SLC25A48: variants seen among roughly 807,000 people sequenced by gnomAD.
SLC25A48 encodes solute carrier family 25 member 48.
SLC25A48 carries 29 observed loss-of-function variants against 32.2 expected under a neutral mutation model. The observed-to-expected ratio is 0.90, with a 90% CI of 0.67 to 1.23. The LOEUF (loss-of-function observed/expected upper bound fraction) is 1.23, where lower values mean the gene tolerates loss of function less well. Ranked by LOEUF, SLC25A48 falls within the 50% of genes most tolerant of loss-of-function variation. SLC25A48 has a pLI of 0.00. For missense variants in SLC25A48, 399 were observed against 422.7 expected (o/e 0.94, Z 0.49); for synonymous variants, 164 against 172.3 (o/e 0.95, Z 0.38).
chr5:135,854,141 C>T (rs1760121478), intron 4 of SLC25A48, among the ~76,000 whole-genome samples: 1 of 152,180 alleles, frequency 6.6e-6, no homozygotes, highest in South Asian at 2.1e-4. Context: ...TCATCCAGGC[C>T]TTGTTGTTCC....
chr5:135,664,988 A>G (rs1207721357), intron 3 of SLC25A48, among the ~76,000 whole-genome samples: 1 of 152,144 alleles, frequency 6.6e-6, no homozygotes, highest in Admixed American at 6.5e-5. Context: ...AAATTCTTTA[A>G]CCAATCTCCA....
intron 3 of SLC25A48, among the ~76,000 whole-genome samples, chr5:135,698,033 G>A (rs544259295): frequency 4.6e-5 from 7 of 152,340 alleles, no homozygotes; most frequent in South Asian, 2.1e-4. Flanking sequence ...GGACTCTGAC[G>A]TTCACAGCAA....
At chr5:135,742,216 A>T (rs575589166) in intron 3 of SLC25A48, among the ~76,000 whole-genome samples, 7 of 152,270 alleles carry the variant, frequency 4.6e-5, no homozygotes, top group Non-Finnish European at 1.0e-4. Flanking sequence ...AATAGCTGGG[A>T]TTACAGGCCT....
intron 6 of SLC25A48, among the ~76,000 whole-genome samples, chr5:135,876,593 T>C (rs1762077594): frequency 6.6e-6 from 1 of 152,150 alleles, no homozygotes; most frequent in South Asian, 2.1e-4. Context: ...GGATATACTA[T>C]CTCGATGCCC....
At position 135,834,796 on chromosome 5, in the gene SLC25A48, ACT is replaced by A; in HGVS notation, c.-49_-48del. ...CGCGCCCGCGGGCCATGCCCCACTG[ACT>A]CTAAGTGGGCACTGCCCCGGCTCCG... On this transcript the variant is annotated 5_prime_UTR_variant, in exon 1 of 8. Coordinates refer to ENST00000681962, the MANE Select transcript of SLC25A48 (RefSeq NM_001349336.2). 6.5e-7 allele frequency: 1 copy of A among 1,530,476 alleles called. No homozygotes were observed. The highest frequency in any genetic ancestry group is 8.8e-7 in the Non-Finnish European group (1 of 1,136,544). 94.8% of individuals were successfully genotyped at this position (1,530,476 alleles called of 1,614,324 possible).
intron 1 of SLC25A48, among the ~76,000 whole-genome samples, chr5:135,628,778 A>C (rs1389263844): frequency 6.6e-6 from 1 of 152,142 alleles, no homozygotes; most frequent in Non-Finnish European, 1.5e-5. Context: ...TCCCTCTTTC[A>C]TTCCCACCTG....
chr5:135,650,284 G>A (rs1302187756), intron 3 of SLC25A48: 1 of 388,222 alleles, frequency 2.6e-6, no homozygotes, highest in African/African-American at 2.1e-5. Context: ...CTCAAAGTTT[G>A]GTTTCTCCTT....
intron 2 of SLC25A48, among the ~76,000 whole-genome samples, chr5:135,630,995 T>C (rs1237467310): frequency 6.6e-6 from 1 of 152,184 alleles, no homozygotes; most frequent in Non-Finnish European, 1.5e-5. Flanking sequence ...GCATCATCTC[T>C]ACACTGTTGG....
At chr5:135,841,879 G>A (rs1426982669) in intron 1 of SLC25A48, among the ~76,000 whole-genome samples, 1 of 152,178 alleles carries the variant, frequency 6.6e-6, no homozygotes, top group African/African-American at 2.4e-5. Flanking sequence ...TGCAGGAAGA[G>A]GCAGGTCAGT....
intron 4 of SLC25A48, among the ~76,000 whole-genome samples, chr5:135,821,130 T>C (rs1757874265): frequency 6.6e-6 from 1 of 152,178 alleles, no homozygotes; most frequent in African/African-American, 2.4e-5. Flanking sequence ...ATGACAGTGG[T>C]GCACTTTCTT....
chr5:135,795,906 G>T (rs1757159013), intron 3 of SLC25A48, among the ~76,000 whole-genome samples: 3 of 148,622 alleles, frequency 2.0e-5, no homozygotes. Context: ...GGGGGTGGGG[G>T]TGAGGGTGAT....
chr5:135,650,241 A>G (rs866562063), intron 3 of SLC25A48: 2 of 337,096 alleles, frequency 5.9e-6, no homozygotes, highest in African/African-American at 2.2e-5. Flanking sequence ...TGTCAGCTTG[A>G]TTCTCTAAGC....
intron 2 of SLC25A48, among the ~76,000 whole-genome samples, chr5:135,631,100 A>G (rs989849118): frequency 1.3e-5 from 2 of 152,180 alleles, no homozygotes; most frequent in Non-Finnish European, 2.9e-5. Flanking sequence ...AGTTAGATGC[A>G]TGTACATTTT....
chr5:135,723,690 C>G (rs1755025507), intron 3 of SLC25A48, among the ~76,000 whole-genome samples: 1 of 152,186 alleles, frequency 6.6e-6, no homozygotes, highest in Non-Finnish European at 1.5e-5. Context: ...TTCTAAACAA[C>G]TGTAATCATA....
chr5:135,705,807 C>A (rs1035170880), intron 3 of SLC25A48, among the ~76,000 whole-genome samples: 1 of 152,200 alleles, frequency 6.6e-6, no homozygotes, highest in African/African-American at 2.4e-5. Context: ...GGAGATGGAA[C>A]TAAGCCTTCC....
Position 135,753,290 on chromosome 5 carries a change from A to C in SLC25A48, c.-520-59233A>C, listed in dbSNP as rs558739011. Among the ~76,000 whole-genome samples, 3 of 151,654 alleles carry C rather than the reference A, an allele frequency of 2.0e-5. No individual in the cohort carries two copies. The South Asian group carries it at 6.3e-4, about 32-fold the overall frequency. ...CAGGGTGTACACCCACGGTGATTCT[A>C]ACAGTAATATCTTGAGAAATTATGC... On this transcript the variant is annotated intron_variant, in intron 3 of 10. Coordinates refer to the SLC25A48 transcript ENST00000646290.
At chr5:135,736,817 A>G (rs944415105) in intron 3 of SLC25A48, among the ~76,000 whole-genome samples, 13 of 152,222 alleles carry the variant, frequency 8.5e-5, no homozygotes, top group African/African-American at 3.1e-4. Context: ...TGTCTCTACC[A>G]GAAAAGGAAA....
intron 3 of SLC25A48, among the ~76,000 whole-genome samples, chr5:135,730,067 C>G (rs1337743348): frequency 6.6e-6 from 1 of 152,132 alleles, no homozygotes; most frequent in Non-Finnish European, 1.5e-5. Flanking sequence ...AGGCAAGAAG[C>G]TTTGGGGCTC....
intron 3 of SLC25A48, chr5:135,650,579 A>G (rs374648439): frequency 3.5e-4 from 64 of 183,220 alleles, no homozygotes; most frequent in African/African-American, 1.7e-3. Flanking sequence ...ACAACAACAG[A>G]ACTCTTTCTT....
Sources: gnomAD v4.1 joint callset for allele counts (sites outside exome capture counted in the v4.1 genomes callset) on GRCh38, gnomAD v4.1.1 for gene constraint, MANE v1.5 for transcripts, NCBI Gene and HGNC (gene_info 2026-07-23, HGNC 2026-07-21) for gene names.